ANKRD30A: variants seen among roughly 807,000 people sequenced by gnomAD.
ANKRD30A encodes ankyrin repeat domain-containing protein 30A.
A neutral mutation model predicts 166.3 loss-of-function variants in ANKRD30A; 170 were observed. The observed-to-expected ratio is 1.02, with a 90% confidence interval of 0.90 to 1.16. ANKRD30A has a LOEUF of 1.16. Ranked by LOEUF, ANKRD30A falls within the 50% of genes most tolerant of loss-of-function variation. The probability of loss-of-function intolerance (pLI) is 0.00; values close to 1 mark genes in which losing one functional copy is unlikely to be tolerated. For missense variants in ANKRD30A, 1,630 were observed against 1,518.0 expected (o/e 1.07, Z -1.23); for synonymous variants, 564 against 508.9 (o/e 1.11, Z -1.46).
rs1460788123 is a variant in ANKRD30A at position 37,193,217 on chromosome 10, C to A, written c.2573C>A (p.Thr858Asn). Residue 858 changes from threonine (T) to asparagine (N), a missense_variant, in exon 27 of 36, where the codon ACT becomes AAT. Around this residue, in one of 4 missense-constraint regions of ANKRD30A, gnomAD observed 712 missense variants for 629.3 expected, o/e 1.13. Transcript: ENST00000361713. ...APCRMKVSIP[T>N]KALELMDMQT... Reference sequence around the variant, plus strand: ...TGCAGAATGAAAGTTTCTATTCCAACTAAAGCCTTAGAATTGATGGACATG... The same window carrying A: ...TGCAGAATGAAAGTTTCTATTCCAAATAAAGCCTTAGAATTGATGGACATG... 5 of 1,611,784 alleles carry A rather than the reference C, an allele frequency of 3.1e-6. No homozygotes were observed. In the Admixed American group the frequency reaches 8.3e-5, roughly 27 times the overall value.
chr10:37,249,812 T>G, the ANKRD30A span, among the ~76,000 whole-genome samples: 1 of 152,220 alleles, frequency 6.6e-6, no homozygotes, highest in Non-Finnish European at 1.5e-5. Context: ...AATTGGGACT[T>G]AATTGCTTAG....
At chr10:37,217,541 T>A (rs925071518) in intron 32 of ANKRD30A, among the ~76,000 whole-genome samples, 154 bp from the exon 33 acceptor site, 2 of 150,712 alleles carry the variant, frequency 1.3e-5, no homozygotes, top group African/African-American at 4.8e-5. Flanking sequence ...TTTGGAAGAG[T>A]TTGGAGTAAT....
the ANKRD30A span, among the ~76,000 whole-genome samples, chr10:37,252,223 A>G: frequency 6.6e-6 from 1 of 152,194 alleles, no homozygotes; most frequent in Non-Finnish European, 1.5e-5. Flanking sequence ...ATGGCTCCTG[A>G]AAACATTTGT....
chr10:37,126,634 C>G (rs1420497969), intron 1 of ANKRD30A, among the ~76,000 whole-genome samples: 1 of 152,122 alleles, frequency 6.6e-6, no homozygotes, highest in Non-Finnish European at 1.5e-5. Context: ...ATAAAGTTAT[C>G]AACGTTTTAA....
chr10:37,153,054 A>G (rs186769375), intron 12 of ANKRD30A, among the ~76,000 whole-genome samples: 3 of 152,270 alleles, frequency 2.0e-5, no homozygotes, highest in African/African-American at 4.8e-5. Context: ...CTGTTTACCG[A>G]AAGGAAGCAG....
intron 34 of ANKRD30A, among the ~76,000 whole-genome samples, chr10:37,224,737 T>C (rs1369430832): frequency 6.6e-6 from 1 of 151,558 alleles, no homozygotes; most frequent in East Asian, 2.0e-4. Flanking sequence ...GTTAGCACTG[T>C]GCTAGCAAAG....
At chr10:37,230,461 G>A (rs1004282308) in intron 34 of ANKRD30A, among the ~76,000 whole-genome samples, 1 of 151,968 alleles carries the variant, frequency 6.6e-6, no homozygotes, top group African/African-American at 2.4e-5. Context: ...TTCCCCTTCA[G>A]ATTCACACTA....
chr10:37,167,343 A>G (rs1219813962), intron 19 of ANKRD30A, among the ~76,000 whole-genome samples: 1 of 148,184 alleles, frequency 6.7e-6, no homozygotes, highest in African/African-American at 2.6e-5. Flanking sequence ...TCACAATTTG[A>G]ATAAGATATA....
chr10:37,128,709 C>G (rs1160605038), intron 1 of ANKRD30A, among the ~76,000 whole-genome samples: 1 of 151,832 alleles, frequency 6.6e-6, no homozygotes, highest in African/African-American at 2.4e-5. Flanking sequence ...CTCTCAGGAC[C>G]CTTTCATTCT....
chr10:37,126,038 A>C, intron 1 of ANKRD30A, 30 bp downstream of exon 1: 3 of 1,242,146 alleles, frequency 2.4e-6, no homozygotes, highest in South Asian at 1.2e-5. Flanking sequence ...CCGGGGCTGC[A>C]GGAGGAGGTG....
At chr10:37,179,305 C>A (rs755403318) in intron 24 of ANKRD30A, among the ~76,000 whole-genome samples, 4 of 150,818 alleles carry the variant, frequency 2.7e-5, no homozygotes, top group Middle Eastern at 3.4e-3. Flanking sequence ...CTGATTTTAA[C>A]GTAGAAAATG....
At chr10:37,233,732 A>T (rs764494741), downstream of ANKRD30A, among the ~76,000 whole-genome samples, 1 of 152,172 alleles carries the variant, frequency 6.6e-6, no homozygotes, top group Non-Finnish European at 1.5e-5. Context: ...TACAGAAAGA[A>T]GATGCCTACT....
At chr10:37,248,282 C>T in the ANKRD30A span, 2 of 527,260 alleles carry the variant, frequency 3.8e-6, no homozygotes, top group African/African-American at 1.9e-5. Context: ...CAAAAAGGCC[C>T]TGCCTTCCAC....
At chr10:37,153,236 T>G (rs1365405732) in intron 12 of ANKRD30A, among the ~76,000 whole-genome samples, 1 of 152,342 alleles carries the variant, frequency 6.6e-6, no homozygotes, top group Non-Finnish European at 1.5e-5. Flanking sequence ...ATGTCTTATT[T>G]ATTTTTGATG....
chr10:37,179,047 TATATATATATATATATA>T (rs1564529194), intron 24 of ANKRD30A, among the ~76,000 whole-genome samples: 65 of 142,332 alleles, frequency 4.6e-4, no homozygotes, highest in African/African-American at 1.5e-3. Flanking sequence ...TATATATATA[TATATATATATATATATA>T]GATGTGTGCA....
chr10:37,215,446 C>T (rs1255706680), intron 31 of ANKRD30A, among the ~76,000 whole-genome samples: 1 of 151,328 alleles, frequency 6.6e-6, no homozygotes, highest in Admixed American at 6.6e-5. Context: ...ATCTCTCTCC[C>T]CTCCTCAGTG....
intron 34 of ANKRD30A, among the ~76,000 whole-genome samples, chr10:37,230,821 G>T (rs1235505389): frequency 2.0e-5 from 3 of 152,018 alleles, no homozygotes; most frequent in Admixed American, 2.0e-4. Context: ...TCACAAAATG[G>T]TTAAAAATAA....
intron 29 of ANKRD30A, among the ~76,000 whole-genome samples, chr10:37,198,577 C>T (rs1468590747): frequency 6.6e-6 from 1 of 151,854 alleles, no homozygotes; most frequent in East Asian, 1.9e-4. Context: ...TTGAACTGTG[C>T]CCCAGAGCTT....
chr10:37,206,222 A>G (rs549464067), intron 31 of ANKRD30A, among the ~76,000 whole-genome samples: 44 of 152,224 alleles, frequency 2.9e-4, no homozygotes, highest in African/African-American at 9.1e-4. Context: ...GAAGCTATGA[A>G]CTTAATTTTG....
Sources: gnomAD v4.1 joint callset for allele counts (sites outside exome capture counted in the v4.1 genomes callset) on GRCh38, gnomAD v4.1.1 for gene constraint, gnomAD v4.1.1 regional missense constraint, MANE v1.5 for transcripts, NCBI Gene and HGNC (gene_info 2026-07-23, HGNC 2026-07-21) for gene names.